Variants in SLC16A7 observed in about 807,000 individuals in gnomAD.
SLC16A7 encodes the protein monocarboxylate transporter 2.
SLC16A7 carries 33 observed loss-of-function variants against 34.9 expected under a neutral mutation model. The ratio of observed to expected loss-of-function variants is 0.94; its 90% confidence interval spans 0.72 to 1.26. SLC16A7 has a LOEUF of 1.26. SLC16A7 is among the 50% of genes most tolerant of loss of function. The pLI, the probability that SLC16A7 is intolerant of heterozygous loss-of-function variation, is 0.00. For synonymous variants in SLC16A7, 201 were observed against 206.6 expected (o/e 0.97, Z 0.23); for missense variants, 573 against 578.1 (o/e 0.99, Z 0.09).
intron 1 of SLC16A7, among the ~76,000 whole-genome samples, chr12:59,606,254 C>A (rs549776029): frequency 6.6e-6 from 1 of 152,180 alleles, no homozygotes; most frequent in African/African-American, 2.4e-5. Flanking sequence ...ATTGATGCTG[C>A]AAAAATGTTT....
chr12:59,748,753 C>T lies in SLC16A7; in HGVS notation c.218-22466C>T, dbSNP rs540429151. On this transcript the variant is annotated intron_variant, in intron 3 of 5. Coordinates refer to ENST00000547379, the MANE Select transcript of SLC16A7 (RefSeq NM_001270623.2). ...AAAACCTTACACTTTTTGCAAACTA[C>T]CTTTTTATCTTGTATTGAAAATGCA... Among the ~76,000 whole-genome samples the T allele has an allele frequency of 2.0e-5, 3 of 152,258 alleles. No individual in the cohort carries two copies. The East Asian group carries it at 5.8e-4, about 29-fold the overall frequency.
At chr12:59,713,102 C>T (rs1173308508) in intron 3 of SLC16A7, among the ~76,000 whole-genome samples, 1 of 152,044 alleles carries the variant, frequency 6.6e-6, no homozygotes, top group Non-Finnish European at 1.5e-5. Flanking sequence ...TCACTTCAAC[C>T]TCTGCCTCCA....
intron 4 of SLC16A7, among the ~76,000 whole-genome samples, chr12:59,772,234 G>A (rs904663465): frequency 6.6e-6 from 1 of 152,102 alleles, no homozygotes; most frequent in African/African-American, 2.4e-5. Context: ...TACAGTAATA[G>A]TGATGTTAAA....
intron 2 of SLC16A7, among the ~76,000 whole-genome samples, chr12:59,666,741 C>CT (rs1869237958): frequency 6.6e-6 from 1 of 152,090 alleles, no homozygotes; most frequent in Admixed American, 6.6e-5. Flanking sequence ...TCCATTAAAC[C>CT]TTTTTCCTTT....
At chr12:59,663,622 A>G (rs1868973378) in intron 2 of SLC16A7, among the ~76,000 whole-genome samples, 1 of 152,114 alleles carries the variant, frequency 6.6e-6, no homozygotes, top group African/African-American at 2.4e-5. Flanking sequence ...TGGTTGTCAG[A>G]TGTACTATAT....
At chr12:59,603,442 C>T (rs1878785326) in intron 1 of SLC16A7, among the ~76,000 whole-genome samples, 1 of 152,182 alleles carries the variant, frequency 6.6e-6, no homozygotes, top group South Asian at 2.1e-4. Flanking sequence ...TTCCTACCGC[C>T]AAATCTTTGG....
At chr12:59,774,420 T>C (rs924549591) in intron 4 of SLC16A7, among the ~76,000 whole-genome samples, 4 of 151,816 alleles carry the variant, frequency 2.6e-5, no homozygotes, top group African/African-American at 4.8e-5. Flanking sequence ...CTCAATTTCA[T>C]TTTTGTGCTT....
chr12:59,758,324 G>T (rs575569182), intron 3 of SLC16A7, among the ~76,000 whole-genome samples: 1 of 152,000 alleles, frequency 6.6e-6, no homozygotes, highest in Non-Finnish European at 1.5e-5. Context: ...ATTTATTAAA[G>T]GATATTCTAT....
chr12:59,725,311 C>T (rs1876105547), intron 3 of SLC16A7, among the ~76,000 whole-genome samples: 2 of 152,030 alleles, frequency 1.3e-5, no homozygotes, highest in Admixed American at 1.3e-4. Context: ...GGAAACTTTT[C>T]TCTACTGCTT....
intron 2 of SLC16A7, among the ~76,000 whole-genome samples, chr12:59,692,324 T>C (rs1871762535): frequency 6.6e-6 from 1 of 152,010 alleles, no homozygotes; most frequent in South Asian, 2.1e-4. Flanking sequence ...ATACACTCTT[T>C]TGCCATATAA....
chr12:59,628,687 C>T (rs191467895), intron 1 of SLC16A7, among the ~76,000 whole-genome samples: 12 of 151,372 alleles, frequency 7.9e-5, no homozygotes, highest in South Asian at 4.2e-4. Flanking sequence ...TGTGTGTGTG[C>T]GCGTATTTTG....
intron 1 of SLC16A7, among the ~76,000 whole-genome samples, chr12:59,645,927 A>G (rs539504654): frequency 1.3e-5 from 2 of 152,282 alleles, no homozygotes; most frequent in South Asian, 4.1e-4. Context: ...CTTGCTATGC[A>G]AAGAGACCAG....
In SLC16A7 at chr12:59,680,274, C is replaced by G. The variant is rs139004153; in HGVS notation, c.-30-24498C>G. 6.7e-3 allele frequency among the ~76,000 whole-genome samples: 1,021 copies of G among 152,218 alleles called. 15 individuals carry two copies. The highest frequency in any genetic ancestry group is 0.021 in the African/African-American group (860 of 41,508). ...GGTGGTCCTGAGAGCTTCCAAGAGT[C>G]CTGGGGCCGAACATCACAGAAGATA... On this transcript the variant is annotated intron_variant, in intron 2 of 5. Coordinates refer to ENST00000547379, the MANE Select transcript of SLC16A7 (RefSeq NM_001270623.2).
intron 1 of SLC16A7, among the ~76,000 whole-genome samples, chr12:59,634,094 G>C (rs182954159): frequency 7.4e-4 from 112 of 152,116 alleles, no homozygotes; most frequent in African/African-American, 2.7e-3. Context: ...TATCTTGTCC[G>C]TAGTCACATG....
rs534973685 is a variant in SLC16A7, at chr12:59,744,856, T to G, written c.218-26363T>G. Among the ~76,000 whole-genome samples, 6 of 152,150 alleles carry G rather than the reference T, an allele frequency of 3.9e-5. No individual in the cohort carries two copies. In the East Asian group the frequency reaches 1.2e-3, roughly 30 times the overall value. On this transcript the variant is annotated intron_variant, in intron 3 of 5. Transcript: ENST00000547379. ...CTCCTGTACCCACTCATCTGTGCAC[T>G]CCCTCTTGCGAGGGGTGAAATGTAA...
chr12:59,724,779 G>A (rs1360526255), intron 3 of SLC16A7, among the ~76,000 whole-genome samples: 2 of 151,636 alleles, frequency 1.3e-5, no homozygotes, highest in Non-Finnish European at 2.9e-5. Flanking sequence ...AGAAATGGAG[G>A]GTTTTTATGT....
In SLC16A7 at chr12:59,624,611, C is replaced by T. The variant is rs148888097; in HGVS notation, c.-130+28375C>T. On this transcript the variant is annotated intron_variant, in intron 1 of 5. Transcript: ENST00000547379. Reference sequence around the variant, plus strand: ...AACATTGTCAACATGTTTTGAATCACCTTTGTAATATAAAATTGGTAATAT... The same window carrying T: ...AACATTGTCAACATGTTTTGAATCATCTTTGTAATATAAAATTGGTAATAT... 4.0e-5 allele frequency among the ~76,000 whole-genome samples: 6 copies of T among 151,780 alleles called. No homozygotes were observed. The East Asian group carries it at 1.2e-3, about 30-fold the overall frequency.
intron 2 of SLC16A7, among the ~76,000 whole-genome samples, chr12:59,669,662 A>ACACACACACACACACACACG (rs1869510339): frequency 6.6e-6 from 1 of 151,428 alleles, no homozygotes; most frequent in Non-Finnish European, 1.5e-5. Context: ...TCACACACAC[A>ACACACACACACACACACACG]CACACACACA....
At chr12:59,726,496 A>C (rs1257654480) in intron 3 of SLC16A7, among the ~76,000 whole-genome samples, 2 of 152,138 alleles carry the variant, frequency 1.3e-5, no homozygotes, top group African/African-American at 4.8e-5. Context: ...TATGACAGAC[A>C]GCTTTGTTTG....
Sources: allele counts gnomAD v4.1 joint callset (sites outside exome capture counted in the v4.1 genomes callset), GRCh38; gene constraint gnomAD v4.1.1; transcripts MANE v1.5; gene names NCBI Gene and HGNC (gene_info 2026-07-23, HGNC 2026-07-21).